The following GAS7 variants were observed in gnomAD, a reference collection of about 807,000 sequenced individuals.
GAS7 encodes growth arrest specific 7.
A neutral mutation model predicts 71.1 loss-of-function variants in GAS7; 28 were observed. The ratio of observed to expected loss-of-function variants is 0.39; its 90% confidence interval spans 0.29 to 0.54. GAS7 has a LOEUF of 0.54. GAS7 is among the 20% of genes least tolerant of loss of function. The pLI, the probability that GAS7 is intolerant of heterozygous loss-of-function variation, is 0.62. For missense variants in GAS7, 436 were observed against 627.8 expected (o/e 0.69, Z 3.27); for synonymous variants, 258 against 245.8 (o/e 1.05, Z -0.46).
chr17:9,991,209 T>C (rs552269938), intron 2 of GAS7, among the ~76,000 whole-genome samples: 1 of 152,324 alleles, frequency 6.6e-6, no homozygotes, highest in South Asian at 2.1e-4. Flanking sequence ...CCCCTCCTTT[T>C]GATGCCTACA....
intron 1 of GAS7, among the ~76,000 whole-genome samples, chr17:10,129,427 T>G (rs529963431): frequency 2.0e-5 from 3 of 152,136 alleles, no homozygotes; most frequent in South Asian, 4.1e-4. Context: ...CCCAGCTACT[T>G]GGGAGGCTGA....
At chr17:9,933,113 A>C (rs2068268159) in intron 9 of GAS7, among the ~76,000 whole-genome samples, 1 of 152,190 alleles carries the variant, frequency 6.6e-6, no homozygotes, top group Non-Finnish European at 1.5e-5. Flanking sequence ...CGGAGCTTGC[A>C]GTGAGCTGAG....
intron 1 of GAS7, among the ~76,000 whole-genome samples, chr17:10,053,462 T>A (rs1244109157): frequency 6.6e-6 from 1 of 152,128 alleles, no homozygotes; most frequent in Non-Finnish European, 1.5e-5. Flanking sequence ...TTTAAAGAAC[T>A]GGCATATTTT....
chr17:10,000,606 G>A (rs1428610453), intron 2 of GAS7, among the ~76,000 whole-genome samples: 1 of 152,172 alleles, frequency 6.6e-6, no homozygotes, highest in East Asian at 1.9e-4. Context: ...AGATACTCAG[G>A]TCGTCATGAA....
At chr17:10,023,580 C>A (rs892075994) in intron 1 of GAS7, among the ~76,000 whole-genome samples, 10 of 152,054 alleles carry the variant, frequency 6.6e-5, no homozygotes, top group African/African-American at 1.9e-4. Context: ...GTGAAAGGAG[C>A]CAGACACAAA....
chr17:10,164,609 G>A (rs2074279333), intron 1 of GAS7, among the ~76,000 whole-genome samples: 1 of 151,422 alleles, frequency 6.6e-6, no homozygotes, highest in Non-Finnish European at 1.5e-5. Context: ...AGGTGGCAGT[G>A]AGCCATGATC....
chr17:10,007,826 C>T (rs2071601907), intron 2 of GAS7, among the ~76,000 whole-genome samples: 1 of 151,882 alleles, frequency 6.6e-6, no homozygotes, highest in African/African-American at 2.4e-5. Context: ...TGCACCACTA[C>T]CTAATTTTAA....
intron 2 of GAS7, among the ~76,000 whole-genome samples, chr17:9,990,140 G>A (rs7216503): frequency 0.41 from 62,367 of 152,056 alleles, 14,335 homozygotes; most frequent in African/African-American, 0.62. Context: ...GTGGTGGCAG[G>A]CACCTGTAGT....
intron 1 of GAS7, among the ~76,000 whole-genome samples, chr17:10,181,048 G>GGGGGGTGGGGGGTGGCAGTGC (rs1279996189): frequency 6.9e-6 from 1 of 144,888 alleles, no homozygotes; most frequent in Non-Finnish European, 1.5e-5. Flanking sequence ...TGAGGGTGGC[G>GGGGGGTGGGGGGTGGCAGTGC]GGGGGTGGGG....
chr17:10,030,546 C>T (rs190947860), intron 1 of GAS7, among the ~76,000 whole-genome samples: 2 of 152,316 alleles, frequency 1.3e-5, no homozygotes, highest in East Asian at 3.9e-4. Flanking sequence ...AGGAGGGTCG[C>T]CTTCCTTTCT....
chr17:10,137,985 G>T (rs189408629), intron 1 of GAS7, among the ~76,000 whole-genome samples: 1 of 149,832 alleles, frequency 6.7e-6, no homozygotes, highest in Admixed American at 6.6e-5. Flanking sequence ...TTTTTGAGAC[G>T]GAGTCTTGCT....
At chr17:9,943,551 A>G (rs1306508487) in intron 6 of GAS7, among the ~76,000 whole-genome samples, 2 of 152,184 alleles carry the variant, frequency 1.3e-5, no homozygotes, top group African/African-American at 2.4e-5. Flanking sequence ...ACGGCCTACG[A>G]CTTCCAACCA....
At chr17:10,152,961 G>A (rs1251951686) in intron 1 of GAS7, among the ~76,000 whole-genome samples, 1 of 151,404 alleles carries the variant, frequency 6.6e-6, no homozygotes, top group Non-Finnish European at 1.5e-5. Flanking sequence ...CACTTTGGGA[G>A]GCGGGTGGAT....
intron 1 of GAS7, 42 bp from the exon 2 acceptor site, chr17:10,019,939 T>C (rs1488323200): frequency 6.3e-7 from 1 of 1,598,956 alleles, no homozygotes; most frequent in Non-Finnish European, 8.5e-7. Context: ...TTTGGCATTT[T>C]TGCAAGAGTT....
At chr17:9,962,735 G>C (rs973318754) in intron 4 of GAS7, among the ~76,000 whole-genome samples, 1 of 152,200 alleles carries the variant, frequency 6.6e-6, no homozygotes. Context: ...GATACTCACA[G>C]GGTCTTACAC....
chr17:9,938,357 A>C (rs1034239304), intron 8 of GAS7, among the ~76,000 whole-genome samples: 9 of 151,360 alleles, frequency 5.9e-5, no homozygotes, highest in Non-Finnish European at 1.3e-4. Flanking sequence ...AAATACAAAA[A>C]ATTAGCCAGG....
chr17:10,028,389 G>C (rs1207646740), intron 1 of GAS7, among the ~76,000 whole-genome samples: 1 of 152,096 alleles, frequency 6.6e-6, no homozygotes, highest in Non-Finnish European at 1.5e-5. Flanking sequence ...ATACATTCCT[G>C]TTCCTCATAC....
At position 10,056,357 on chromosome 17, in the gene GAS7, T is replaced by C. The variant is rs144552074; in HGVS notation, c.184-36460A>G. Reference sequence around the variant, plus strand: ...AAAAACTTTTAAAATTAGCCAGGCATGATGGTGCACACCTGTAGTCCCAGC... The same window carrying C: ...AAAAACTTTTAAAATTAGCCAGGCACGATGGTGCACACCTGTAGTCCCAGC... On this transcript the variant is annotated intron_variant, in intron 1 of 13. Coordinates refer to ENST00000432992, the MANE Select transcript of GAS7 (RefSeq NM_201433.2). 2.8e-3 allele frequency among the ~76,000 whole-genome samples: 432 copies of C among 152,138 alleles called. 4 individuals carry two copies. The highest frequency in any genetic ancestry group is 9.5e-3 in the African/African-American group (396 of 41,502).
At chr17:10,190,010 A>C (rs540596476) in intron 1 of GAS7, among the ~76,000 whole-genome samples, 1 of 152,256 alleles carries the variant, frequency 6.6e-6, no homozygotes, top group Admixed American at 6.5e-5. Context: ...AATTATAACA[A>C]ATTCAAATTT....
Sources: allele counts gnomAD v4.1 joint callset (sites outside exome capture counted in the v4.1 genomes callset), GRCh38; gene constraint gnomAD v4.1.1; transcripts MANE v1.5; gene names NCBI Gene and HGNC (gene_info 2026-07-23, HGNC 2026-07-21).